OTUD7A: variants seen among roughly 807,000 people sequenced by gnomAD.
OTUD7A encodes the protein OTU domain-containing protein 7A.
Under a neutral mutation model 65.7 loss-of-function variants are expected in OTUD7A, and 12 were observed. That is an observed-to-expected ratio of 0.18 (90% CI 0.12 to 0.30). The LOEUF (loss-of-function observed/expected upper bound fraction) is 0.30, where lower values mean the gene tolerates loss of function less well. Ranked by LOEUF, OTUD7A falls within the 10% of genes least tolerant of loss-of-function variation. The pLI is 1.00. For synonymous variants in OTUD7A, 641 were observed against 586.3 expected, an observed-to-expected ratio of 1.09 and a Z score of -1.35; for missense variants, 1,148 against 1,304.8, an observed-to-expected ratio of 0.88 and a Z score of 1.85.
chr15:31,490,811 T>C (rs1343293853), intron 10 of OTUD7A, among the ~76,000 whole-genome samples: 1 of 152,208 alleles, frequency 6.6e-6, no homozygotes, highest in African/African-American at 2.4e-5. Flanking sequence ...GATATTTCCA[T>C]CCTACCTCTA....
chr15:31,697,716 T>C (rs1041727883), intron 1 of OTUD7A, among the ~76,000 whole-genome samples: 3 of 152,208 alleles, frequency 2.0e-5, no homozygotes, highest in Non-Finnish European at 4.4e-5. Flanking sequence ...CTAGCTAGCA[T>C]GCACACCTGC....
rs564531200 is a variant in OTUD7A at position 31,612,473 on chromosome 15, A to C, written c.152-42276T>G. Among the ~76,000 whole-genome samples, 50 of 152,334 alleles carry C rather than the reference A, an allele frequency of 3.3e-4. No individual in the cohort carries two copies. In the South Asian group the frequency reaches 9.9e-3, roughly 30 times the overall value. Reference sequence around the variant, plus strand: ...TTCTGGATACAAGATTAATGTACACAAATTGGTAACTCTTCTATATACCAA... The same window carrying C: ...TTCTGGATACAAGATTAATGTACACCAATTGGTAACTCTTCTATATACCAA... On this transcript the variant is annotated intron_variant, in intron 3 of 12. Coordinates refer to ENST00000307050, the MANE Select transcript of OTUD7A (RefSeq NM_001382637.1).
At position 31,794,695 on chromosome 15, in the gene OTUD7A, G is replaced by A. The variant is rs188850027; in HGVS notation, c.-100+75812C>T. ...TTTGAGTGACAGAAATCAGAGAATC[G>A]CTTCATCCACCTCGCCCCCCAGCCC... On this transcript the variant is annotated intron_variant, in intron 1 of 12. Transcript: ENST00000307050. Among the ~76,000 whole-genome samples the A allele has an allele frequency of 4.3e-4, 65 of 150,818 alleles. No homozygotes were observed. The East Asian group carries it at 0.01, about 23-fold the overall frequency.
rs1898000705 is a variant in OTUD7A at position 31,870,507 on chromosome 15, C to T, written c.-100G>A. ...AGCACCGCGGCCAGCGCCGTCTTAC[C>T]TGCCGCGCCGCGCCGCTCCGCTCCG... is the stretch of plus-strand genomic sequence containing the variant. On this transcript the variant is annotated splice_region_variant and 5_prime_UTR_variant, in exon 1 of 13. Transcript: ENST00000307050. 6.7e-6 allele frequency: 1 copy of T among 148,778 alleles called. No homozygotes were observed. The highest frequency in any genetic ancestry group is 1.5e-5 in the Non-Finnish European group (1 of 66,780). The allele number at this position is 148,778 out of a possible 1,614,324, so 9.2% of individuals were successfully genotyped here. A position where few individuals can be genotyped will look rare whatever the true frequency, so the allele number is the denominator to read the frequency against.
chr15:31,597,237 TAA>T (rs751362972), intron 3 of OTUD7A, among the ~76,000 whole-genome samples: 6 of 152,206 alleles, frequency 3.9e-5, no homozygotes, highest in Non-Finnish European at 7.3e-5. Context: ...CTATTTATTT[TAA>T]GTGTCTTTTG....
At chr15:31,671,598 A>G (rs2141296322) in intron 1 of OTUD7A, among the ~76,000 whole-genome samples, 1 of 152,324 alleles carries the variant, frequency 6.6e-6, no homozygotes, top group Non-Finnish European at 1.5e-5. Flanking sequence ...ATCTACTAAT[A>G]TGATGAATTA....
At chr15:31,518,597 A>G (rs1374654515) in intron 8 of OTUD7A, among the ~76,000 whole-genome samples, 1 of 152,190 alleles carries the variant, frequency 6.6e-6, no homozygotes, top group Non-Finnish European at 1.5e-5. Flanking sequence ...TAGTCCAACC[A>G]CTGCCTTTTC....
chr15:31,647,123 G>A lies in OTUD7A; in HGVS notation c.151+7973C>T, dbSNP rs148162801. 1.4e-3 allele frequency among the ~76,000 whole-genome samples: 207 copies of A among 152,264 alleles called. 1 individual carries two copies. The highest frequency in any genetic ancestry group is 4.7e-3 in the African/African-American group (196 of 41,542). ...TAGTGGGAACGGGACACTTGGAAGGGCAGCCAACGGTTTCCTTTCAGTATT... is the reference window on the plus strand; with the variant it reads ...TAGTGGGAACGGGACACTTGGAAGGACAGCCAACGGTTTCCTTTCAGTATT... On this transcript the variant is annotated intron_variant, in intron 3 of 12. Transcript: ENST00000307050.
chr15:31,778,140 A>G (rs1168386235), intron 1 of OTUD7A, among the ~76,000 whole-genome samples: 2 of 152,170 alleles, frequency 1.3e-5, no homozygotes, highest in Non-Finnish European at 2.9e-5. Context: ...TTCTAAGGAC[A>G]AGAGCCCAAG....
rs184361722 is a variant in OTUD7A at position 31,526,363 on chromosome 15, G to A, written c.879C>T (p.Gly293=). The A allele has an allele frequency of 3.0e-5, 48 of 1,597,326 alleles. No individual in the cohort carries two copies. The highest frequency in any genetic ancestry group is 3.7e-5 in the Non-Finnish European group (43 of 1,176,758). The change falls in exon 8 of 13, where the codon GGC becomes GGT. Residue 293 remains glycine (G), a synonymous_variant. Transcript: ENST00000307050. ...SEPRTHFSKN[G]GTGGGVDNSE... Reference sequence around the variant, plus strand: ...GCAGCACTTACCCCCCGCCCGTGCCGCCATTCTTGCTGAAGTGTGTGCGCG... The same window carrying A: ...GCAGCACTTACCCCCCGCCCGTGCCACCATTCTTGCTGAAGTGTGTGCGCG...
At chr15:31,850,080 T>C (rs1897383505) in intron 1 of OTUD7A, among the ~76,000 whole-genome samples, 1 of 147,582 alleles carries the variant, frequency 6.8e-6, no homozygotes, top group African/African-American at 2.7e-5. Context: ...CAAAGGATTA[T>C]AAATCATGCT....
chr15:31,568,270 C>A (rs1331725890), intron 4 of OTUD7A, among the ~76,000 whole-genome samples: 1 of 152,198 alleles, frequency 6.6e-6, no homozygotes, highest in Non-Finnish European at 1.5e-5. Flanking sequence ...ACTGGTGTGC[C>A]CTGGATGTGA....
chr15:31,822,304 T>C (rs1323218922), intron 1 of OTUD7A, among the ~76,000 whole-genome samples: 4 of 152,210 alleles, frequency 2.6e-5, no homozygotes, highest in Non-Finnish European at 5.9e-5. Context: ...CCCAAAGCGC[T>C]GCTCTCTGGG....
At chr15:31,642,923 G>T (rs1891559447) in intron 3 of OTUD7A, among the ~76,000 whole-genome samples, 1 of 151,700 alleles carries the variant, frequency 6.6e-6, no homozygotes, top group Admixed American at 6.6e-5. Context: ...TTCTGTCTGG[G>T]TTTAATTTGC....
At chr15:31,670,841 A>G (rs999004369) in intron 1 of OTUD7A, among the ~76,000 whole-genome samples, 26 of 152,056 alleles carry the variant, frequency 1.7e-4, no homozygotes, top group African/African-American at 6.3e-4. Flanking sequence ...AATACAAAAA[A>G]AAAATTAGCC....
At chr15:31,566,788 T>C (rs1888890310) in intron 4 of OTUD7A, among the ~76,000 whole-genome samples, 2 of 152,260 alleles carry the variant, frequency 1.3e-5, no homozygotes, top group South Asian at 4.1e-4. Context: ...CTCTCTCTCT[T>C]GCTCCAGCTC....
intron 1 of OTUD7A, among the ~76,000 whole-genome samples, chr15:31,700,073 C>T (rs929927773): frequency 5.7e-4 from 86 of 151,702 alleles, no homozygotes; most frequent in African/African-American, 1.9e-3. Flanking sequence ...CTGCTAATGA[C>T]GGAATCACTG....
chr15:31,484,071 C>T lies in OTUD7A; in HGVS notation c.2025G>A (p.Glu675=), dbSNP rs766085819. 1 of 1,568,944 alleles carries T rather than the reference C, an allele frequency of 6.4e-7. No homozygotes were observed. The highest frequency in any genetic ancestry group is 8.6e-7 in the Non-Finnish European group (1 of 1,163,834). ...LTSAQERFSA[E]QEQRRRDAAT... ...CGGCGTCGCGGCGCCGCTGCTCCTG[C>T]TCGGCGCTGAAGCGCTCCTGCGCGC... Residue 675 remains glutamate, a synonymous_variant, in exon 13 of 13, where the codon GAG becomes GAA. Transcript: ENST00000307050. The surrounding 1 kb of genome is among the most constrained non-coding windows in gnomAD (Gnocchi z 4.5).
chr15:31,555,851 T>TTTTCTTTTTTTTC (rs796469452), intron 5 of OTUD7A: 1 of 103,436 alleles, frequency 9.7e-6, no homozygotes, highest in South Asian at 2.9e-4. Context: ...GTTCTTTTTC[T>TTTTCTTTTTTTTC]TTTTTTTTTT....
Sources: gnomAD v4.1 joint callset for allele counts (sites outside exome capture counted in the v4.1 genomes callset) on GRCh38, gnomAD v4.1.1 for gene constraint, Gnocchi (gnomAD v3.1) non-coding constraint, MANE v1.5 for transcripts, NCBI Gene and HGNC (gene_info 2026-07-23, HGNC 2026-07-21) for gene names.